Variants in HIP1 observed in about 807,000 individuals in gnomAD.
The protein encoded by HIP1 is huntingtin interacting protein 1.
In HIP1, 65 loss-of-function variants were observed where a neutral mutation model predicts 147.6. The observed-to-expected ratio is 0.44, with a 90% CI of 0.36 to 0.54. The LOEUF is 0.54. Among genes scored for constraint, HIP1 ranks in the 20% least tolerant of loss-of-function variants. The pLI is 0.00. For missense variants in HIP1, 1,061 were observed against 1,299.6 expected, an observed-to-expected ratio of 0.82 and a Z score of 2.82; for synonymous variants, 479 against 504.0, an observed-to-expected ratio of 0.95 and a Z score of 0.67.
chr7:75,603,788 G>A (rs1282849276), intron 1 of HIP1, among the ~76,000 whole-genome samples: 2 of 151,620 alleles, frequency 1.3e-5, no homozygotes, highest in Non-Finnish European at 2.9e-5. Context: ...TGGGAGGATC[G>A]CTTAAGCCCA....
intron 1 of HIP1, among the ~76,000 whole-genome samples, chr7:75,738,026 T>G (rs1323167097): frequency 1.3e-5 from 2 of 152,222 alleles, no homozygotes; most frequent in African/African-American, 4.8e-5. Context: ...TTTTTGTTGA[T>G]GACACTGAGG....
intron 9 of HIP1, among the ~76,000 whole-genome samples, chr7:75,564,842 C>T (rs1563206405): frequency 1.3e-5 from 2 of 152,050 alleles, no homozygotes; most frequent in Non-Finnish European, 2.9e-5. Flanking sequence ...AAGCCATCTA[C>T]CCACCTTGGC....
At chr7:75,550,479 A>G (rs1794741384) in intron 22 of HIP1, among the ~76,000 whole-genome samples, 1 of 152,020 alleles carries the variant, frequency 6.6e-6, no homozygotes, top group African/African-American at 2.4e-5. Flanking sequence ...TGGTGCGATC[A>G]TAGCTCACTG....
At chr7:75,650,345 C>T (rs1253937382) in intron 1 of HIP1, among the ~76,000 whole-genome samples, 1 of 152,120 alleles carries the variant, frequency 6.6e-6, no homozygotes, top group Non-Finnish European at 1.5e-5. Context: ...TAATTTGGAG[C>T]ACCCTTAATG....
intron 9 of HIP1, among the ~76,000 whole-genome samples, chr7:75,565,327 G>A (rs587619796): frequency 6.6e-6 from 1 of 152,160 alleles, no homozygotes; most frequent in African/African-American, 2.4e-5. Flanking sequence ...GAAATCACCT[G>A]ACCACACATC....
intron 2 of HIP1, among the ~76,000 whole-genome samples, chr7:75,595,210 TTC>T (rs1554501627): frequency 1.3e-5 from 1 of 74,526 alleles, no homozygotes; most frequent in Non-Finnish European, 2.5e-5. Context: ...CTTTCTTTCT[TTC>T]TTTCTTTCTT....
At chr7:75,556,304 T>C in intron 17 of HIP1, 135 bp from the exon 18 acceptor site, 1 of 1,094,162 alleles carries the variant, frequency 9.1e-7, no homozygotes, top group Non-Finnish European at 1.3e-6. Flanking sequence ...TCTGATTCCC[T>C]CCCGGGGACA....
At chr7:75,652,291 T>C (rs2117190578) in intron 1 of HIP1, among the ~76,000 whole-genome samples, 1 of 144,618 alleles carries the variant, frequency 6.9e-6, no homozygotes, top group South Asian at 2.4e-4. Flanking sequence ...CACTCCAGCC[T>C]GGGTGACAGA....
intron 8 of HIP1, among the ~76,000 whole-genome samples, chr7:75,570,302 T>TC (rs1795573765): frequency 6.6e-6 from 1 of 151,032 alleles, no homozygotes; most frequent in Admixed American, 6.6e-5. Context: ...TTCTTTTTTT[T>TC]TTTTTTCGAG....
intron 23 of HIP1, among the ~76,000 whole-genome samples, chr7:75,548,445 G>C (rs587626047): frequency 6.6e-6 from 1 of 151,710 alleles, no homozygotes; most frequent in African/African-American, 2.4e-5. Context: ...AAAAACTAGC[G>C]AGTTCAGATT....
intron 1 of HIP1, among the ~76,000 whole-genome samples, chr7:75,690,598 C>T (rs1288247929): frequency 3.9e-5 from 6 of 152,224 alleles, no homozygotes; most frequent in African/African-American, 1.4e-4. Flanking sequence ...CGTGGTGGCT[C>T]ATGCCTGTAA....
intron 1 of HIP1, among the ~76,000 whole-genome samples, chr7:75,638,090 C>T (rs1798507051): frequency 1.3e-5 from 2 of 149,970 alleles, no homozygotes; most frequent in South Asian, 4.2e-4. Context: ...TCCCAAGACC[C>T]GCCTGACACA....
intron 1 of HIP1, among the ~76,000 whole-genome samples, chr7:75,669,200 CTAA>C: frequency 1.4e-5 from 1 of 74,070 alleles, no homozygotes; most frequent in Non-Finnish European, 2.7e-5. Flanking sequence ...CCTGTCTATA[CTAA>C]AAAAAAAAAA....
intron 1 of HIP1, among the ~76,000 whole-genome samples, chr7:75,610,286 G>A (rs1554504629): frequency 6.7e-6 from 1 of 148,858 alleles, no homozygotes; most frequent in African/African-American, 2.5e-5. Context: ...ATAGCTCACT[G>A]CAGCCTTGAA....
chr7:75,651,743 G>A (rs1397154579), intron 1 of HIP1, among the ~76,000 whole-genome samples: 1 of 152,072 alleles, frequency 6.6e-6, no homozygotes, highest in African/African-American at 2.4e-5. Flanking sequence ...TATAAAACAA[G>A]GCTAATCATA....
intron 2 of HIP1, among the ~76,000 whole-genome samples, chr7:75,597,816 A>G (rs1796803836): frequency 6.6e-6 from 1 of 151,698 alleles, no homozygotes; most frequent in Non-Finnish European, 1.5e-5. Context: ...CAGAGAGTTA[A>G]AAGCTTAGCC....
chr7:75,556,093 C>G lies in HIP1; in HGVS notation c.1760G>C (p.Arg587Thr). The G allele has an allele frequency of 6.2e-7, 1 of 1,614,204 alleles. No homozygotes were observed. The highest frequency in any genetic ancestry group is 8.5e-7 in the Non-Finnish European group (1 of 1,180,040). ...RDSLVSGAAH[R>T]EEELSALRKE... ...CCGAAGAGCAGATAATTCCTCCTCC[C>G]TATGAGCTGCGCCACTCACCAGGCT... The change falls in exon 18 of 31, where the codon AGG becomes ACG. Residue 587 changes from arginine to threonine, a missense_variant. Physicochemically the swap from Arg to Thr is moderately conservative, Grantham distance 71. This residue lies in a region of HIP1 where 810 missense variants were observed against 946.8 expected (regional missense o/e 0.86). Coordinates refer to ENST00000336926, the MANE Select transcript of HIP1 (RefSeq NM_005338.7).
chr7:75,603,339 C>CTCCG (rs1563237200), intron 1 of HIP1, among the ~76,000 whole-genome samples: 1 of 91,378 alleles, frequency 1.1e-5, no homozygotes, highest in Non-Finnish European at 2.1e-5. Context: ...CAGAGCGAGA[C>CTCCG]TCTCAAAAAA....
intron 1 of HIP1, among the ~76,000 whole-genome samples, chr7:75,627,644 G>A (rs1798089461): frequency 6.6e-6 from 1 of 152,172 alleles, no homozygotes; most frequent in African/African-American, 2.4e-5. Flanking sequence ...ATTGTGGGTA[G>A]CATCAAGTCC....
Sources: allele counts gnomAD v4.1 joint callset (sites outside exome capture counted in the v4.1 genomes callset), GRCh38; gene constraint gnomAD v4.1.1; regional missense constraint gnomAD v4.1.1; transcripts MANE v1.5; gene names NCBI Gene and HGNC (gene_info 2026-07-23, HGNC 2026-07-21).